ZFHX3: variants seen among roughly 807,000 people sequenced by gnomAD.
ZFHX3 encodes zinc finger homeobox protein 3.
A neutral mutation model predicts 279.1 loss-of-function variants in ZFHX3; 42 were observed. The observed-to-expected ratio is 0.15, with a 90% CI of 0.12 to 0.19. The LOEUF (loss-of-function observed/expected upper bound fraction) is 0.19, where lower values mean the gene tolerates loss of function less well. Ranked by LOEUF, ZFHX3 falls within the 10% of genes least tolerant of loss-of-function variation. The pLI is 1.00. For missense variants in ZFHX3, 4,981 were observed against 4,754.0 expected (o/e 1.05, Z -1.40); for synonymous variants, 2,293 against 1,957.8 (o/e 1.17, Z -4.52).
chr16:73,596,603 T>G (rs987684737), intron 2 of ZFHX3, among the ~76,000 whole-genome samples: 1 of 152,202 alleles, frequency 6.6e-6, no homozygotes, highest in South Asian at 2.1e-4. Flanking sequence ...CTTCACCACC[T>G]GTGCTCCCAT....
intron 1 of ZFHX3, among the ~76,000 whole-genome samples, chr16:73,776,444 C>A (rs918567586): frequency 6.6e-6 from 1 of 152,078 alleles, no homozygotes; most frequent in Non-Finnish European, 1.5e-5. Context: ...TTTCAGAAAT[C>A]AAATAATTTA....
intron 3 of ZFHX3, among the ~76,000 whole-genome samples, chr16:73,325,480 A>G (rs1459082521): frequency 6.6e-6 from 1 of 152,152 alleles, no homozygotes; most frequent in Non-Finnish European, 1.5e-5. Context: ...GAAGCTTTCC[A>G]CAGGGGAGGT....
At chr16:73,647,560 G>A (rs2052631820) in intron 2 of ZFHX3, among the ~76,000 whole-genome samples, 1 of 152,092 alleles carries the variant, frequency 6.6e-6, no homozygotes, top group Non-Finnish European at 1.5e-5. Flanking sequence ...CATGCTTCCT[G>A]TTAAGCCTGT....
At chr16:73,805,130 A>G (rs886400034) in intron 1 of ZFHX3, among the ~76,000 whole-genome samples, 1 of 152,064 alleles carries the variant, frequency 6.6e-6, no homozygotes, top group African/African-American at 2.4e-5. Context: ...AAACTTTTTC[A>G]TAAGTACCTC....
intron 1 of ZFHX3, among the ~76,000 whole-genome samples, chr16:72,996,358 G>A (rs1963293127): frequency 6.6e-6 from 1 of 152,038 alleles, no homozygotes; most frequent in Non-Finnish European, 1.5e-5. Flanking sequence ...TATTTGCATG[G>A]ACAATGATCA....
In ZFHX3 at chr16:73,152,046, T is replaced by G. The variant is rs996109510; in HGVS notation, c.-1103-8215A>C. Reference sequence around the variant, plus strand: ...CACTCTGTGGAGGAGACACGCAAGCTTCCATCCCTAAGACATTTCCCTCAC... The same window carrying G: ...CACTCTGTGGAGGAGACACGCAAGCGTCCATCCCTAAGACATTTCCCTCAC... On this transcript the variant is annotated intron_variant, in intron 5 of 17. Transcript: ENST00000641206. Among the ~76,000 whole-genome samples the G allele has an allele frequency of 2.0e-5, 3 of 151,158 alleles. No individual in the cohort carries two copies. The East Asian group carries it at 5.9e-4, about 30-fold the overall frequency.
At chr16:73,861,918 T>C (rs1192362199) in intron 1 of ZFHX3, among the ~76,000 whole-genome samples, 1 of 152,244 alleles carries the variant, frequency 6.6e-6, no homozygotes, top group Non-Finnish European at 1.5e-5. Flanking sequence ...ATGTGTCATT[T>C]GTTTTGTCGA....
chr16:72,909,913 G>A (rs1346387816), intron 3 of ZFHX3, among the ~76,000 whole-genome samples: 3 of 150,756 alleles, frequency 2.0e-5, no homozygotes, highest in Non-Finnish European at 4.4e-5. Flanking sequence ...AAAAAGCCAG[G>A]CTTGCAAACT....
chr16:73,693,148 A>G (rs7204102), intron 1 of ZFHX3, among the ~76,000 whole-genome samples: 148,164 of 152,254 alleles, frequency 0.97, 72,120 homozygotes, highest in East Asian at 1. Context: ...AAGGACAGAG[A>G]GCCCTTGGGC....
At chr16:73,002,603 C>T (rs1597077255) in intron 1 of ZFHX3, among the ~76,000 whole-genome samples, 1 of 152,130 alleles carries the variant, frequency 6.6e-6, no homozygotes, top group East Asian at 1.9e-4. Flanking sequence ...GCGATTGATT[C>T]CACAAGCTTG....
chr16:73,044,798 T>C (rs1965233173), intron 1 of ZFHX3, among the ~76,000 whole-genome samples: 2 of 152,126 alleles, frequency 1.3e-5, no homozygotes, highest in Admixed American at 1.3e-4. Context: ...ATTTTGTATT[T>C]TTAGTAGAGA....
At chr16:73,027,631 T>G (rs1278139297) in intron 1 of ZFHX3, among the ~76,000 whole-genome samples, 1 of 152,082 alleles carries the variant, frequency 6.6e-6, no homozygotes, top group African/African-American at 2.4e-5. Context: ...AAATACAGCG[T>G]TAGGGAAAAT....
At chr16:72,878,338 G>A (rs1244586542) in intron 4 of ZFHX3, among the ~76,000 whole-genome samples, 2 of 152,154 alleles carry the variant, frequency 1.3e-5, no homozygotes, top group African/African-American at 4.8e-5. Flanking sequence ...CATCACACAC[G>A]CACTTCACTG....
chr16:73,134,166 G>T (rs1966745847), intron 6 of ZFHX3, among the ~76,000 whole-genome samples: 1 of 152,020 alleles, frequency 6.6e-6, no homozygotes, highest in Non-Finnish European at 1.5e-5. Context: ...AAATGGTAGA[G>T]CTACGATTTG....
At chr16:73,278,416 C>G (rs1412719787) in intron 4 of ZFHX3, among the ~76,000 whole-genome samples, 1 of 152,176 alleles carries the variant, frequency 6.6e-6, no homozygotes, top group Non-Finnish European at 1.5e-5. Context: ...GTTCCTTCCA[C>G]TGGGTTCGTG....
chr16:73,563,821 A>T (rs953003066), intron 2 of ZFHX3, among the ~76,000 whole-genome samples: 2 of 152,198 alleles, frequency 1.3e-5, no homozygotes, highest in African/African-American at 4.8e-5. Flanking sequence ...GAGAAAAAAA[A>T]TTTTAAAGTA....
At chr16:72,949,776 AAAG>A (rs1328088832) in intron 3 of ZFHX3, among the ~76,000 whole-genome samples, 1 of 148,668 alleles carries the variant, frequency 6.7e-6, no homozygotes, top group African/African-American at 2.5e-5. Context: ...AAAAACACAC[AAAG>A]GAGGCCCCTC....
Position 73,266,191 on chromosome 16 carries a change from G to T in ZFHX3, c.-1193-9055C>A, listed in dbSNP as rs1041886996. 2.6e-5 allele frequency among the ~76,000 whole-genome samples: 4 copies of T among 152,214 alleles called. No individual in the cohort carries two copies. The East Asian group carries it at 7.7e-4, about 29-fold the overall frequency. On this transcript the variant is annotated intron_variant, in intron 4 of 17. Transcript: ENST00000641206. ...TAGGCAAAGACAATGCTCACCGCCT[G>T]TATCCAGTGGGCAGTTGCGACTGGG...
intron 5 of ZFHX3, among the ~76,000 whole-genome samples, chr16:73,249,256 T>G (rs1176527408): frequency 6.6e-6 from 1 of 152,152 alleles, no homozygotes. Flanking sequence ...TTGAAGCCAT[T>G]TGCAAAAAGA....
Sources: gnomAD v4.1 joint callset for allele counts (sites outside exome capture counted in the v4.1 genomes callset) on GRCh38, gnomAD v4.1.1 for gene constraint, MANE v1.5 for transcripts, NCBI Gene and HGNC (gene_info 2026-07-23, HGNC 2026-07-21) for gene names.